The following FAM135B variants were observed in gnomAD, a reference collection of about 807,000 sequenced individuals.
FAM135B encodes protein FAM135B.
Under a neutral mutation model 127.7 loss-of-function variants are expected in FAM135B, and 43 were observed. The ratio of observed to expected loss-of-function variants is 0.34; its 90% CI spans 0.26 to 0.43. The LOEUF (loss-of-function observed/expected upper bound fraction) is 0.43. FAM135B is among the 20% of genes least tolerant of loss of function. The probability of loss-of-function intolerance (pLI) is 1.00; values close to 1 mark genes in which losing one functional copy is unlikely to be tolerated. For missense variants in FAM135B, 1,558 were observed against 1,725.6 expected (o/e 0.90, Z 1.72); for synonymous variants, 670 against 665.1 (o/e 1.01, Z -0.11).
At chr8:138,171,403 A>G (rs903342746) in intron 11 of FAM135B, among the ~76,000 whole-genome samples, 7 of 151,946 alleles carry the variant, frequency 4.6e-5, no homozygotes, top group Admixed American at 1.3e-4. Context: ...ATGTCCACTT[A>G]CCCTGCTCTG....
intron 1 of FAM135B, among the ~76,000 whole-genome samples, chr8:138,426,990 A>G (rs932572399): frequency 6.6e-6 from 1 of 152,100 alleles, no homozygotes; most frequent in Non-Finnish European, 1.5e-5. Context: ...ATACTATTCT[A>G]TATGGCAATT....
At chr8:138,446,819 C>A (rs1323551946) in intron 1 of FAM135B, among the ~76,000 whole-genome samples, 2 of 151,628 alleles carry the variant, frequency 1.3e-5, no homozygotes, top group African/African-American at 4.8e-5. Context: ...TCTAATTAAA[C>A]TAAAGAGCTT....
At chr8:138,465,350 T>C (rs1837329989) in intron 1 of FAM135B, among the ~76,000 whole-genome samples, 1 of 152,194 alleles carries the variant, frequency 6.6e-6, no homozygotes, top group South Asian at 2.1e-4. Context: ...GAGTCCATCA[T>C]ATCCCCAATT....
intron 1 of FAM135B, among the ~76,000 whole-genome samples, chr8:138,444,218 C>A (rs995792855): frequency 6.6e-6 from 1 of 152,142 alleles, no homozygotes; most frequent in African/African-American, 2.4e-5. Flanking sequence ...TTTAACACCC[C>A]ACTGTCAACA....
intron 6 of FAM135B, among the ~76,000 whole-genome samples, chr8:138,246,471 G>C (rs961571591): frequency 1.6e-4 from 24 of 152,264 alleles, no homozygotes; most frequent in African/African-American, 5.8e-4. Context: ...CGGCTTCAGA[G>C]GGTGCGAGCC....
At chr8:138,303,807 TGTTA>T (rs1472403586) in intron 3 of FAM135B, among the ~76,000 whole-genome samples, 3 of 152,138 alleles carry the variant, frequency 2.0e-5, no homozygotes, top group African/African-American at 7.2e-5. Flanking sequence ...TACCCACATA[TGTTA>T]CCTGCACTGA....
chr8:138,433,582 G>C (rs953827154), intron 1 of FAM135B, among the ~76,000 whole-genome samples: 2 of 150,714 alleles, frequency 1.3e-5, no homozygotes, highest in Non-Finnish European at 3.0e-5. Context: ...AATTTTAAAA[G>C]AGTATTAAAT....
At chr8:138,497,429 C>T (rs1304862334), upstream of FAM135B, among the ~76,000 whole-genome samples, 2 of 151,646 alleles carry the variant, frequency 1.3e-5, no homozygotes, top group Admixed American at 6.6e-5. Context: ...CTGACCGGCG[C>T]GAGCATGCTC....
chr8:138,322,245 T>C (rs138211131), intron 2 of FAM135B, among the ~76,000 whole-genome samples: 180 of 152,260 alleles, frequency 1.2e-3, no homozygotes, highest in Non-Finnish European at 1.9e-3. Context: ...CTATAAGCAG[T>C]GTTAGTGGAG....
chr8:138,157,063 C>G (rs1482013784), intron 12 of FAM135B, among the ~76,000 whole-genome samples: 1 of 152,162 alleles, frequency 6.6e-6, no homozygotes, highest in Non-Finnish European at 1.5e-5. Context: ...TACTGGCAAA[C>G]AGAATCCAGC....
intron 2 of FAM135B, among the ~76,000 whole-genome samples, chr8:138,329,230 G>A (rs532016112): frequency 7.2e-5 from 11 of 152,198 alleles, no homozygotes; most frequent in South Asian, 2.1e-4. Flanking sequence ...AGAGACGATA[G>A]AGGAACAAAC....
chr8:138,205,413 C>T (rs1285735204), intron 7 of FAM135B, among the ~76,000 whole-genome samples: 1 of 152,172 alleles, frequency 6.6e-6, no homozygotes, highest in African/African-American at 2.4e-5. Context: ...CCTGTGTTCA[C>T]ACATCCAGGA....
intron 7 of FAM135B, among the ~76,000 whole-genome samples, chr8:138,200,719 TG>T (rs1401442662): frequency 2.0e-5 from 3 of 152,248 alleles, no homozygotes; most frequent in Admixed American, 1.3e-4. Context: ...TTGCTATATG[TG>T]TGTATGTCTT....
Position 138,241,178 on chromosome 8 carries a change from C to T in FAM135B, c.669+1764G>A, listed in dbSNP as rs1367411451. Among the ~76,000 whole-genome samples, 1 of 152,174 alleles carries T rather than the reference C, an allele frequency of 6.6e-6. No homozygotes were observed. The highest frequency in any genetic ancestry group is 2.4e-5 in the African/African-American group (1 of 41,448). On this transcript the variant is annotated intron_variant, in intron 7 of 19. Transcript: ENST00000395297. The surrounding 1 kb of genome is among the most constrained non-coding windows in gnomAD (Gnocchi z 4.8). ...AGTGATGGTCCTGTAGCAAAGGACCCACAGCAGGGACAGTCCAATGACATG... is the reference window on the plus strand; with the variant it reads ...AGTGATGGTCCTGTAGCAAAGGACCTACAGCAGGGACAGTCCAATGACATG...
Position 138,151,735 on chromosome 8 carries a change from C to G in FAM135B, c.2740G>C (p.Gly914Arg), listed in dbSNP as rs1285961412. 4.3e-6 allele frequency: 7 copies of G among 1,614,112 alleles called. No individual in the cohort carries two copies. Among genetic ancestry groups the G allele is most frequent in the Non-Finnish European group, 5.9e-6 (7 of 1,180,036 alleles). ...CCACTGTTGGAAAGAGCTTGCTGAC[C>G]CACATTCAAGTCTTTAGGCATGCCC... ...PKGMPKDLNV[G>R]QQALSNSGIS... Residue 914 changes from glycine to arginine, a missense_variant, in exon 13 of 20, where the codon GGT (glycine) becomes CGT (arginine). By Grantham distance (125) the Gly-to-Arg change is moderately radical. Around this residue, in one of 5 missense-constraint regions of FAM135B, gnomAD observed 923 missense variants for 865.3 expected, o/e 1.07. Transcript: ENST00000395297.
chr8:138,383,450 T>C (rs1319262621), intron 1 of FAM135B, among the ~76,000 whole-genome samples: 5 of 152,190 alleles, frequency 3.3e-5, no homozygotes, highest in Admixed American at 1.3e-4. Context: ...GATGTAGAGG[T>C]TGGTGGGATC....
chr8:138,161,889 C>G (rs1359538268), intron 12 of FAM135B, among the ~76,000 whole-genome samples: 3 of 152,158 alleles, frequency 2.0e-5, no homozygotes, highest in Admixed American at 6.6e-5. Context: ...GTTGTCAAGT[C>G]TAGAGAGAAG....
chr8:138,361,589 C>T (rs1251921285), intron 2 of FAM135B, among the ~76,000 whole-genome samples: 1 of 152,178 alleles, frequency 6.6e-6, no homozygotes, highest in Non-Finnish European at 1.5e-5. Context: ...GCAGTTTCCT[C>T]TTCCGCAGTC....
At chr8:138,272,486 C>A (rs894211284) in intron 3 of FAM135B, among the ~76,000 whole-genome samples, 36 of 152,144 alleles carry the variant, frequency 2.4e-4, no homozygotes, top group African/African-American at 4.8e-5. Flanking sequence ...AACTAAAGAG[C>A]CCACTAAAAA....
Sources: gnomAD v4.1 joint callset for allele counts (sites outside exome capture counted in the v4.1 genomes callset) on GRCh38, gnomAD v4.1.1 for gene constraint, gnomAD v4.1.1 regional missense constraint, Gnocchi (gnomAD v3.1) non-coding constraint, MANE v1.5 for transcripts, NCBI Gene and HGNC (gene_info 2026-07-23, HGNC 2026-07-21) for gene names.